The following MYO7A variants were observed in gnomAD, a reference collection of about 807,000 sequenced individuals.
The protein encoded by MYO7A is myosin VIIA, also known as unconventional myosin-VIIa.
Under a neutral mutation model 263.8 loss-of-function variants are expected in MYO7A, and 210 were observed. The ratio of observed to expected loss-of-function variants is 0.80; its 90% confidence interval spans 0.71 to 0.89. The LOEUF (loss-of-function observed/expected upper bound fraction) is 0.89. Ranked by LOEUF, MYO7A falls within the 40% of genes least tolerant of loss-of-function variation. The pLI is 0.00. For missense variants in MYO7A, 2,820 were observed against 2,968.3 expected (o/e 0.95, Z 1.16); for synonymous variants, 1,239 against 1,197.3 (o/e 1.03, Z -0.72).
intron 2 of MYO7A, 112 bp downstream of exon 2, chr11:77,130,764 C>T (rs1186566152): frequency 3.2e-6 from 4 of 1,267,870 alleles, no homozygotes; most frequent in African/African-American, 3.0e-5. Flanking sequence ...AAATTCCTGC[C>T]TAGGCTTCCA....
intron 32 of MYO7A, among the ~76,000 whole-genome samples, chr11:77,196,811 A>C (rs1366337309): frequency 6.6e-6 from 1 of 152,042 alleles, no homozygotes; most frequent in Admixed American, 6.6e-5. Flanking sequence ...ATTCTATAAA[A>C]ACCAGGATTT....
In MYO7A at chr11:77,214,701, T is replaced by G. The variant is rs1375613512; in HGVS notation, c.*5T>G. 3 of 1,563,688 alleles carry G rather than the reference T, an allele frequency of 1.9e-6. No individual in the cohort carries two copies. The highest frequency in any genetic ancestry group is 2.4e-5 in the South Asian group (2 of 84,940). ...GGCTCCAGGAGCGGCAAGTGAACAG[T>G]CACGGGGAGGTGCTGGTTCCATGCC... On this transcript the variant is annotated 3_prime_UTR_variant, in exon 49 of 49. Coordinates refer to ENST00000409709, the MANE Select transcript of MYO7A (RefSeq NM_000260.4).
At position 77,184,600 on chromosome 11, in the gene MYO7A, C is replaced by T. The variant is rs782397974; in HGVS notation, c.3388C>T (p.Leu1130=). The stretch of plus-strand genomic sequence containing the variant: ...CCCTCTGGCCCAGGTGACCAAGAGG[C>T]TGCATGACGGGGAGTCCACAGTGCA... The part of the protein sequence containing the change: ...SKLTEEVTKR[L]HDGESTVQGN... The change falls in exon 27 of 49, where the codon CTG becomes TTG. Residue 1130 remains leucine, a synonymous_variant. Coordinates refer to ENST00000409709, the MANE Select transcript of MYO7A (RefSeq NM_000260.4). The T allele has an allele frequency of 1.1e-5, 17 of 1,565,564 alleles. 1 individual carries two copies. Among genetic ancestry groups the T allele is most frequent in the East Asian group, 2.4e-5 (1 of 42,240 alleles).
Position 77,162,176 on chromosome 11 carries a change from G to A in MYO7A, c.1400G>A (p.Arg467Gln), listed in dbSNP as rs376061637. 6.4e-5 allele frequency: 102 copies of A among 1,602,066 alleles called. No homozygotes were observed. Among genetic ancestry groups the A allele is most frequent in the East Asian group, 9.0e-5 (4 of 44,562 alleles). Residue 467 changes from arginine (R) to glutamine (Q), a missense_variant, in exon 13 of 49, where the codon CGG (arginine) becomes CAG (glutamine). Physicochemically the swap from Arg to Gln is conservative, Grantham distance 43. Coordinates refer to ENST00000409709, the MANE Select transcript of MYO7A (RefSeq NM_000260.4). ...GAGCACCTGCAGCAGTTCTTTGTGC[G>A]GCACGTGTTCAAGCTGGAGCAGGAG... ...ANEHLQQFFV[R>Q]HVFKLEQEEY...
intron 2 of MYO7A, among the ~76,000 whole-genome samples, chr11:77,131,280 G>A (rs1950758770): frequency 6.6e-6 from 1 of 152,226 alleles, no homozygotes; most frequent in Non-Finnish European, 1.5e-5. Flanking sequence ...AGGCCGTAGG[G>A]CTTGTGGGGC....
At chr11:77,214,421 A>T (rs1958036785) in intron 48 of MYO7A, among the ~76,000 whole-genome samples, 186 bp from the exon 49 acceptor site, 1 of 152,096 alleles carries the variant, frequency 6.6e-6, no homozygotes, top group Non-Finnish European at 1.5e-5. Flanking sequence ...ACAGTGTAGA[A>T]CCTTAGCCAT....
chr11:77,140,012 G>A (rs370298577), intron 2 of MYO7A, among the ~76,000 whole-genome samples: 2 of 152,186 alleles, frequency 1.3e-5, no homozygotes, highest in Non-Finnish European at 2.9e-5. Flanking sequence ...AGATAGTTTG[G>A]TCACTGCCCT....
chr11:77,137,870 C>G (rs1235787919), intron 2 of MYO7A, among the ~76,000 whole-genome samples: 1 of 152,170 alleles, frequency 6.6e-6, no homozygotes, highest in African/African-American at 2.4e-5. Flanking sequence ...CCTCACTCCC[C>G]AGAGGCAGCC....
Position 77,183,078 on chromosome 11 carries a change from C to T in MYO7A, c.3296C>T (p.Pro1099Leu), listed in dbSNP as rs782563066. ...CTGCTGGTCCTGCAGGCCCAGCTCC[C>T]CGAGGGCCAGAAGAAGAGCAGTGTG... ...ALQGEGEAQL[P>L]EGQKKSSVRH... Residue 1099 changes from proline to leucine, a missense_variant, in exon 26 of 49, where the codon CCC (proline) becomes CTC (leucine). Pro to Leu is a moderately conservative substitution (Grantham distance 98). Coordinates refer to ENST00000409709, the MANE Select transcript of MYO7A (RefSeq NM_000260.4). The T allele has an allele frequency of 6.4e-7, 1 of 1,551,346 alleles. No homozygotes were observed. Among genetic ancestry groups the T allele is most frequent in the South Asian group, 1.2e-5 (1 of 84,042 alleles).
intron 25 of MYO7A, 32 bp downstream of exon 25, chr11:77,182,632 C>T: frequency 6.2e-7 from 1 of 1,610,302 alleles, no homozygotes; most frequent in Non-Finnish European, 8.5e-7. Context: ...GATGATGTCC[C>T]TCCCAGGCCG....
chr11:77,141,453 A>AT (rs141401795), intron 2 of MYO7A, among the ~76,000 whole-genome samples: 2,141 of 151,472 alleles, frequency 0.014, 58 homozygotes, highest in African/African-American at 0.049. Flanking sequence ...AAGTTGTTAC[A>AT]TTTTTTTTTA....
intron 31 of MYO7A, 150 bp downstream of exon 31, chr11:77,192,428 C>T: frequency 1.3e-6 from 1 of 784,718 alleles, no homozygotes; most frequent in South Asian, 1.7e-5. Flanking sequence ...CCTGGATGGA[C>T]ACCGCCTACT....
intron 2 of MYO7A, 56 bp downstream of exon 2, chr11:77,130,708 C>G (rs1950742745): frequency 1.9e-6 from 3 of 1,592,480 alleles, no homozygotes; most frequent in Non-Finnish European, 2.6e-6. Context: ...ATCCCCTCAT[C>G]CATATGCTTA....
At chr11:77,129,795 A>G (rs1235379928) in intron 1 of MYO7A, among the ~76,000 whole-genome samples, 5 of 152,236 alleles carry the variant, frequency 3.3e-5, no homozygotes, top group South Asian at 4.1e-4. Context: ...TCACTAGTCA[A>G]AATTTCAGGT....
chr11:77,175,763 TG>T (rs1954602030), intron 18 of MYO7A, among the ~76,000 whole-genome samples: 1 of 152,184 alleles, frequency 6.6e-6, no homozygotes, highest in Admixed American at 6.5e-5. Context: ...CTGCTTGCCT[TG>T]GGGCCCTTTC....
chr11:77,212,437 C>T (rs1273155195), intron 46 of MYO7A: 2 of 349,064 alleles, frequency 5.7e-6, no homozygotes, highest in East Asian at 1.5e-4. Flanking sequence ...GCTTGGCAAG[C>T]AGGTGAGAGG....
At chr11:77,135,462 A>G (rs1950880196) in intron 2 of MYO7A, among the ~76,000 whole-genome samples, 1 of 152,332 alleles carries the variant, frequency 6.6e-6, no homozygotes, top group African/African-American at 2.4e-5. Flanking sequence ...TTGTTTATTC[A>G]TTCATCTATT....
At position 77,198,108 on chromosome 11, in the gene MYO7A, G is replaced by A. The variant is rs112546952; in HGVS notation, c.4442-387G>A. 3.1e-3 allele frequency among the ~76,000 whole-genome samples: 470 copies of A among 152,312 alleles called. 2 individuals are homozygous for A. Among genetic ancestry groups the A allele is most frequent in the African/African-American group, 9.7e-3 (405 of 41,570 alleles). Reference sequence around the variant, plus strand: ...ACAGGCCACTGGCTCAGCCATCCTCGGGCCATCGTTACTGGGCACCTGCTG... The same window carrying A: ...ACAGGCCACTGGCTCAGCCATCCTCAGGCCATCGTTACTGGGCACCTGCTG... On this transcript the variant is annotated intron_variant, in intron 33 of 48. Coordinates refer to ENST00000409709, the MANE Select transcript of MYO7A (RefSeq NM_000260.4).
At position 77,199,861 on chromosome 11, in the gene MYO7A, G is replaced by C. The variant is rs78967995; in HGVS notation, c.4852+43G>C. ...TGGACTGCCTGGCACTGGGGGTCAG[G>C]GTGTTATGCAGACTGTCTTAGTCCA... On this transcript the variant is annotated intron_variant, in intron 35 of 48. Transcript: ENST00000409709. 238 of 1,521,296 alleles carry C rather than the reference G, an allele frequency of 1.6e-4. No individual in the cohort carries two copies. In the African/African-American group the frequency reaches 3.1e-3, roughly 20 times the overall value. The allele number at this position is 1,521,296 out of a possible 1,614,324, so 94.2% of individuals were successfully genotyped here.
Sources: allele counts gnomAD v4.1 joint callset (sites outside exome capture counted in the v4.1 genomes callset), GRCh38; gene constraint gnomAD v4.1.1; transcripts MANE v1.5; gene names NCBI Gene and HGNC (gene_info 2026-07-23, HGNC 2026-07-21).